The following COL21A1 variants were observed in gnomAD, a reference collection of about 807,000 sequenced individuals.
COL21A1 encodes the protein collagen alpha-1(XXI) chain.
COL21A1 carries 149 observed loss-of-function variants against 137.9 expected under a neutral mutation model. That is an observed-to-expected ratio of 1.08 (90% CI 0.95 to 1.24). COL21A1 has a LOEUF of 1.24. Ranked by LOEUF, COL21A1 falls within the 50% of genes most tolerant of loss-of-function variation. The pLI is 0.00. For synonymous variants in COL21A1, 456 were observed against 391.5 expected, an observed-to-expected ratio of 1.16 and a Z score of -1.95; for missense variants, 1,167 against 1,158.4, an observed-to-expected ratio of 1.01 and a Z score of -0.11.
intron 1 of COL21A1, among the ~76,000 whole-genome samples, chr6:56,363,047 G>T (rs970012878): frequency 2.0e-5 from 3 of 151,988 alleles, no homozygotes; most frequent in Non-Finnish European, 4.4e-5. Flanking sequence ...ACTTCTTTGG[G>T]GCATTCTTCC....
chr6:56,339,559 T>C (rs1276476002), intron 1 of COL21A1, among the ~76,000 whole-genome samples: 1 of 87,192 alleles, frequency 1.1e-5, no homozygotes, highest in Non-Finnish European at 2.5e-5. Context: ...TTACCAAATC[T>C]TTGGTTTTCT....
chr6:56,090,728 A>G (rs767264081), intron 17 of COL21A1, among the ~76,000 whole-genome samples: 6 of 151,652 alleles, frequency 4.0e-5, no homozygotes, highest in Non-Finnish European at 8.8e-5. Context: ...TATAATAATT[A>G]TATACATAAT....
intron 1 of COL21A1, among the ~76,000 whole-genome samples, chr6:56,262,733 G>T (rs1397836409): frequency 6.6e-6 from 1 of 152,056 alleles, no homozygotes; most frequent in Non-Finnish European, 1.5e-5. Context: ...ATTCAGGGAG[G>T]TCAAAAAGCA....
chr6:56,250,113 C>T (rs1467251517), upstream of COL21A1, among the ~76,000 whole-genome samples: 2 of 152,140 alleles, frequency 1.3e-5, no homozygotes, highest in Non-Finnish European at 2.9e-5. Context: ...TTCATCATCC[C>T]CATTTCCAAA....
chr6:56,213,408 C>T (rs1780301762), intron 1 of COL21A1, among the ~76,000 whole-genome samples: 1 of 152,010 alleles, frequency 6.6e-6, no homozygotes, highest in Non-Finnish European at 1.5e-5. Context: ...TGTGGAGGGA[C>T]TTGTCTCTCC....
chr6:56,374,720 CAA>C (rs34067784), intron 1 of COL21A1, among the ~76,000 whole-genome samples: 6,366 of 86,424 alleles, frequency 0.074, 165 homozygotes, highest in African/African-American at 0.17. Context: ...GACTTCGTCT[CAA>C]AAAAAAAAAA....
At chr6:56,211,443 T>C (rs1780172128) in intron 1 of COL21A1, among the ~76,000 whole-genome samples, 1 of 151,996 alleles carries the variant, frequency 6.6e-6, no homozygotes, top group Non-Finnish European at 1.5e-5. Flanking sequence ...AAAAAATATG[T>C]CAGAAATATT....
intron 3 of COL21A1, among the ~76,000 whole-genome samples, 160 bp downstream of exon 3, chr6:56,179,418 C>T (rs902971941): frequency 2.0e-5 from 3 of 151,960 alleles, no homozygotes; most frequent in African/African-American, 2.4e-5. Context: ...TTTATGCTCA[C>T]AGTATAAATA....
At position 56,243,596 on chromosome 6, in the gene COL21A1, T is replaced by C. The variant is rs1782475072; in HGVS notation, c.-39+3791A>G. On this transcript the variant is annotated intron_variant, in intron 1 of 29. Transcript: ENST00000244728. ...AAAGTAAAATAATAGCAAATTCTTA[T>C]TAAGCACTTACTATGAGCCAGGCAC... 3.9e-5 allele frequency among the ~76,000 whole-genome samples: 6 copies of C among 152,218 alleles called. No homozygotes were observed. In the South Asian group the frequency reaches 1.0e-3, roughly 26 times the overall value.
intron 9 of COL21A1, among the ~76,000 whole-genome samples, chr6:56,157,193 C>T (rs1925181): frequency 0.73 from 111,083 of 151,466 alleles, 41,139 homozygotes; most frequent in East Asian, 0.86. Flanking sequence ...AAAGTATTTT[C>T]CACTGATGCA....
At chr6:56,184,840 T>C (rs2152284965) in intron 1 of COL21A1, among the ~76,000 whole-genome samples, 1 of 152,304 alleles carries the variant, frequency 6.6e-6, no homozygotes, top group East Asian at 1.9e-4. Flanking sequence ...CCAGTTTCAA[T>C]AAATAGTATT....
chr6:56,162,851 CT>C (rs1776291510), intron 9 of COL21A1, among the ~76,000 whole-genome samples: 1 of 152,128 alleles, frequency 6.6e-6, no homozygotes, highest in Non-Finnish European at 1.5e-5. Flanking sequence ...AGTATTTCTC[CT>C]TTATGTCAAG....
intron 1 of COL21A1, among the ~76,000 whole-genome samples, chr6:56,236,327 G>GA (rs1781895214): frequency 6.6e-6 from 1 of 151,976 alleles, no homozygotes; most frequent in Non-Finnish European, 1.5e-5. Context: ...TTCAGTTTAA[G>GA]AAAAAAGTTT....
Position 56,217,116 on chromosome 6 carries a change from A to T in COL21A1, c.-39+30271T>A, listed in dbSNP as rs149895184. The stretch of plus-strand genomic sequence containing the variant: ...TAGAAAATATATTAAGTTTCCAAAT[A>T]AAAAGAAATAGTGTTGCAGAGTAAT... On this transcript the variant is annotated intron_variant, in intron 1 of 29. Transcript: ENST00000244728. 6.0e-3 allele frequency among the ~76,000 whole-genome samples: 919 copies of T among 152,194 alleles called. 10 individuals carry two copies. The highest frequency in any genetic ancestry group is 0.021 in the African/African-American group (880 of 41,558).
intron 20 of COL21A1, 84 bp downstream of exon 20, chr6:56,074,148 G>T: frequency 1.2e-6 from 1 of 858,390 alleles, no homozygotes; most frequent in Non-Finnish European, 1.8e-6. Flanking sequence ...TACAATCAAG[G>T]TAGTAGTAAA....
intron 1 of COL21A1, among the ~76,000 whole-genome samples, chr6:56,224,242 C>T (rs756560071): frequency 3.3e-5 from 5 of 152,114 alleles, no homozygotes; most frequent in Non-Finnish European, 5.9e-5. Flanking sequence ...TTGTCCCTGA[C>T]TCAACAGTCT....
At chr6:56,292,400 C>A (rs373712274) in intron 1 of COL21A1, among the ~76,000 whole-genome samples, 1 of 141,302 alleles carries the variant, frequency 7.1e-6, no homozygotes, top group Admixed American at 7.4e-5. Context: ...GACCCCCCCC[C>A]TCCCCCGCCA....
At chr6:56,362,796 T>C (rs568334411) in intron 1 of COL21A1, among the ~76,000 whole-genome samples, 13 of 152,190 alleles carry the variant, frequency 8.5e-5, no homozygotes, top group Non-Finnish European at 1.9e-4. Flanking sequence ...CAGCCTTCTC[T>C]TGTTGCTGTG....
intron 10 of COL21A1, among the ~76,000 whole-genome samples, chr6:56,150,061 C>T (rs965398704): frequency 3.9e-5 from 6 of 152,164 alleles, no homozygotes; most frequent in Non-Finnish European, 7.4e-5. Context: ...TATTAACCTT[C>T]CCCCAACCAG....
Sources: gnomAD v4.1 joint callset for allele counts (sites outside exome capture counted in the v4.1 genomes callset) on GRCh38, gnomAD v4.1.1 for gene constraint, MANE v1.5 for transcripts, NCBI Gene and HGNC (gene_info 2026-07-23, HGNC 2026-07-21) for gene names.